SDHC: variants seen among roughly 807,000 people sequenced by gnomAD.
The protein encoded by SDHC is succinate dehydrogenase complex subunit C, also known as succinate dehydrogenase cytochrome b560 subunit, mitochondrial.
In SDHC, 11 loss-of-function variants were observed where a neutral mutation model predicts 22.6. That is an observed-to-expected ratio of 0.49 (90% CI 0.31 to 0.81). The LOEUF is 0.81. Among genes scored for constraint, SDHC ranks in the 30% least tolerant of loss-of-function variants. SDHC has a pLI of 0.05. For synonymous variants in SDHC, 80 were observed against 77.8 expected, an observed-to-expected ratio of 1.03 and a Z score of -0.15; for missense variants, 160 against 212.0, an observed-to-expected ratio of 0.75 and a Z score of 1.52.
intron 5 of SDHC, among the ~76,000 whole-genome samples, chr1:161,357,358 T>C (rs1341223324): frequency 6.6e-6 from 1 of 152,172 alleles, no homozygotes. Context: ...GCCTCACAGA[T>C]ACTTGCAGGG....
chr1:161,348,666 C>CAA (rs1159653901), intron 4 of SDHC, among the ~76,000 whole-genome samples: 1,984 of 70,896 alleles, frequency 0.028, 71 homozygotes, highest in African/African-American at 0.091. Flanking sequence ...ACTAAAAATC[C>CAA]AAAAAAAAAA....
At chr1:161,355,532 A>T (rs115723500) in intron 4 of SDHC, among the ~76,000 whole-genome samples, 3,158 of 152,294 alleles carry the variant, frequency 0.021, 104 homozygotes, top group African/African-American at 0.072. Context: ...CTAATCCAAG[A>T]TCATGAAGAT....
intron 3 of SDHC, 67 bp from the exon 4 acceptor site, chr1:161,340,526 CA>C: frequency 7.2e-7 from 1 of 1,385,210 alleles, no homozygotes; most frequent in Non-Finnish European, 1.0e-6. Context: ...ATATTTTTGC[CA>C]AGATAGACTC....
At chr1:161,318,623 T>A (rs1670716409) in intron 1 of SDHC, among the ~76,000 whole-genome samples, 1 of 152,246 alleles carries the variant, frequency 6.6e-6, no homozygotes, top group Non-Finnish European at 1.5e-5. Context: ...TATTAAGGTT[T>A]AACTCTCAAT....
At chr1:161,356,590 T>C in intron 4 of SDHC, 87 bp from the exon 5 acceptor site, 1 of 1,310,844 alleles carries the variant, frequency 7.6e-7, no homozygotes. Flanking sequence ...TTTAGAATTG[T>C]ATGAGGTGCC....
chr1:161,331,797 A>G (rs912518502), intron 3 of SDHC, among the ~76,000 whole-genome samples: 1 of 149,728 alleles, frequency 6.7e-6, no homozygotes, highest in Non-Finnish European at 1.5e-5. Flanking sequence ...GGGTTTCGCT[A>G]TGTTGGCTAG....
At chr1:161,338,786 C>T (rs150392178) in intron 3 of SDHC, among the ~76,000 whole-genome samples, 73 of 152,238 alleles carry the variant, frequency 4.8e-4, no homozygotes, top group African/African-American at 1.7e-3. Context: ...CTCAGGTTTT[C>T]TTCCATCAGT....
intron 2 of SDHC, among the ~76,000 whole-genome samples, chr1:161,324,351 C>T (rs1343994308): frequency 1.3e-5 from 2 of 152,196 alleles, no homozygotes; most frequent in African/African-American, 4.8e-5. Flanking sequence ...CTCAAGTGAT[C>T]CCCCTGCCTC....
chr1:161,329,891 T>C (rs1250775074), intron 3 of SDHC, among the ~76,000 whole-genome samples: 1 of 152,202 alleles, frequency 6.6e-6, no homozygotes, highest in Non-Finnish European at 1.5e-5. Context: ...TCCTTCTCGC[T>C]TTGTATCACT....
intron 5 of SDHC, among the ~76,000 whole-genome samples, chr1:161,360,302 C>G (rs979431596): frequency 1.3e-5 from 2 of 151,972 alleles, no homozygotes; most frequent in African/African-American, 2.4e-5. Context: ...TGTCTGTAAC[C>G]CTAGCACTTT....
At chr1:161,314,456 T>A (rs755355085) in intron 1 of SDHC, 31 bp downstream of exon 1, 40 of 1,613,012 alleles carry the variant, frequency 2.5e-5, no homozygotes, top group Non-Finnish European at 3.4e-5. Context: ...AGTTGGTGCC[T>A]GCGGCCCTCC....
chr1:161,356,709 C>G lies in SDHC; in HGVS notation c.274C>G (p.Leu92Val). Reference sequence around the variant, plus strand: ...TCTTTTTGGCATGTCGGCCCTGTTACTCCCTGGGAACTTTGAGTCTTATTT... The same window carrying G: ...TCTTTTTGGCATGTCGGCCCTGTTAGTCCCTGGGAACTTTGAGTCTTATTT... ...VSLFGMSALL[L>V]PGNFESYLEL... is the part of the protein sequence containing the mutation. Residue 92 changes from leucine to valine, a missense_variant, in exon 5 of 6, where the codon CTC (leucine) becomes GTC (valine). Transcript: ENST00000367975. 6.2e-7 allele frequency: 1 copy of G among 1,614,006 alleles called. No homozygotes were observed. The highest frequency in any genetic ancestry group is 1.1e-5 in the South Asian group (1 of 91,076).
chr1:161,353,319 G>A (rs2102362665), intron 4 of SDHC, among the ~76,000 whole-genome samples: 1 of 152,260 alleles, frequency 6.6e-6, no homozygotes, highest in African/African-American at 2.4e-5. Flanking sequence ...GCATAGATCA[G>A]GGATGAGTTT....
chr1:161,321,777 A>T (rs1361895700), intron 1 of SDHC, among the ~76,000 whole-genome samples: 3 of 152,218 alleles, frequency 2.0e-5, no homozygotes, highest in African/African-American at 7.2e-5. Context: ...GAGGGACATC[A>T]TGAGCTTTTT....
chr1:161,341,720 C>T (rs1671723038), intron 4 of SDHC, among the ~76,000 whole-genome samples: 1 of 151,984 alleles, frequency 6.6e-6, no homozygotes, highest in Non-Finnish European at 1.5e-5. Flanking sequence ...TGCTCTCCTA[C>T]CCCCACCAAA....
At chr1:161,330,177 C>T (rs570268319) in intron 3 of SDHC, among the ~76,000 whole-genome samples, 1 of 152,282 alleles carries the variant, frequency 6.6e-6, no homozygotes, top group South Asian at 2.1e-4. Context: ...TTCACCACAT[C>T]GCGGTGGCCC....
chr1:161,361,870 T>C (rs1421507754), intron 5 of SDHC, among the ~76,000 whole-genome samples: 2 of 149,238 alleles, frequency 1.3e-5, no homozygotes, highest in Non-Finnish European at 3.0e-5. Flanking sequence ...AAAAACTGTT[T>C]AGAAAGTCTT....
At chr1:161,333,394 T>G (rs1276067224) in intron 3 of SDHC, among the ~76,000 whole-genome samples, 3 of 151,120 alleles carry the variant, frequency 2.0e-5, no homozygotes, top group African/African-American at 7.3e-5. Context: ...GGTAACTCTA[T>G]GTTTAACTTT....
At chr1:161,328,598 C>A in intron 3 of SDHC, 101 bp downstream of exon 3, 2 of 798,972 alleles carry the variant, frequency 2.5e-6, no homozygotes, top group Non-Finnish European at 4.4e-6. Flanking sequence ...TTTACTCAAC[C>A]AAAATACTGC....
Sources: gnomAD v4.1 joint callset for allele counts (sites outside exome capture counted in the v4.1 genomes callset) on GRCh38, gnomAD v4.1.1 for gene constraint, MANE v1.5 for transcripts, NCBI Gene and HGNC (gene_info 2026-07-23, HGNC 2026-07-21) for gene names.